CXCL13: variants seen among roughly 807,000 people sequenced by gnomAD.
CXCL13 encodes C-X-C motif chemokine ligand 13, also known as C-X-C motif chemokine 13.
CXCL13 carries 7 observed loss-of-function variants against 12.2 expected under a neutral mutation model. The ratio of observed to expected loss-of-function variants is 0.57; its 90% CI spans 0.33 to 1.07. The LOEUF is 1.07. Ranked by LOEUF, CXCL13 falls within the 50% of genes least tolerant of loss-of-function variation. The pLI, the probability that CXCL13 is intolerant of heterozygous loss-of-function variation, is 0.04. For synonymous variants in CXCL13, 47 were observed against 42.4 expected (o/e 1.11, Z -0.42); for missense variants, 113 against 127.4 (o/e 0.89, Z 0.55).
chr4:77,518,658 G>C (rs1269287065), intron 1 of CXCL13, among the ~76,000 whole-genome samples: 4 of 152,100 alleles, frequency 2.6e-5, no homozygotes, highest in African/African-American at 9.7e-5. Context: ...GCTCCTTTAA[G>C]CACTTCTCTA....
At chr4:77,602,160 A>G (rs1726891677), upstream of CXCL13, among the ~76,000 whole-genome samples, 1 of 152,204 alleles carries the variant, frequency 6.6e-6, no homozygotes, top group Admixed American at 6.5e-5. Context: ...CCTGTTGACT[A>G]CCTAGATTGT....
chr4:77,537,965 T>C (rs1725100906), intron 1 of CXCL13, among the ~76,000 whole-genome samples: 1 of 152,146 alleles, frequency 6.6e-6, no homozygotes, highest in Non-Finnish European at 1.5e-5. Flanking sequence ...GTTTCTAAGC[T>C]TATAGAATCT....
intron 2 of CXCL13, among the ~76,000 whole-genome samples, chr4:77,609,200 C>T (rs965582282): frequency 6.6e-6 from 1 of 152,058 alleles, no homozygotes; most frequent in South Asian, 2.1e-4. Context: ...CTAAGATTTA[C>T]GTGCAAAAGT....
At chr4:77,559,902 A>T in intron 1 of CXCL13, among the ~76,000 whole-genome samples, 1 of 140,180 alleles carries the variant, frequency 7.1e-6, no homozygotes, top group African/African-American at 2.8e-5. Context: ...AGCCTGGGTG[A>T]GAGAGCGAGA....
At chr4:77,520,839 A>G (rs1344193006) in intron 1 of CXCL13, among the ~76,000 whole-genome samples, 1 of 152,266 alleles carries the variant, frequency 6.6e-6, no homozygotes, top group East Asian at 1.9e-4. Context: ...TCAGTATGAT[A>G]TTGGTTGTGA....
intron 1 of CXCL13, among the ~76,000 whole-genome samples, chr4:77,553,123 C>A (rs1725573646): frequency 6.6e-6 from 1 of 152,182 alleles, no homozygotes; most frequent in Admixed American, 6.5e-5. Flanking sequence ...ATGACACATA[C>A]ACACCTATTC....
chr4:77,543,732 T>C (rs1725262732), intron 1 of CXCL13, among the ~76,000 whole-genome samples: 1 of 152,110 alleles, frequency 6.6e-6, no homozygotes, highest in Admixed American at 6.6e-5. Flanking sequence ...GTTGTTATGA[T>C]TTCCATTTTT....
intron 1 of CXCL13, among the ~76,000 whole-genome samples, chr4:77,528,892 T>C (rs1409532790): frequency 6.6e-6 from 1 of 152,238 alleles, no homozygotes; most frequent in African/African-American, 2.4e-5. Context: ...GGTTTTCTTC[T>C]AGGGTTTAAA....
chr4:77,598,818 AT>A (rs200508736), intron 1 of CXCL13, among the ~76,000 whole-genome samples: 12,554 of 148,772 alleles, frequency 0.084, 999 homozygotes, highest in African/African-American at 0.21. Flanking sequence ...CAACACAATG[AT>A]TTTTTTTTTT....
chr4:77,523,626 G>C (rs1724677516), intron 1 of CXCL13, among the ~76,000 whole-genome samples: 3 of 152,220 alleles, frequency 2.0e-5, no homozygotes, highest in Admixed American at 6.5e-5. Flanking sequence ...TTTTTTCACG[G>C]TTTTCAGCTT....
At chr4:77,596,974 C>T (rs80084351) in intron 1 of CXCL13, among the ~76,000 whole-genome samples, 1 of 151,998 alleles carries the variant, frequency 6.6e-6, no homozygotes, top group Non-Finnish European at 1.5e-5. Flanking sequence ...GAGTATTATT[C>T]AGCCTTTAAA....
chr4:77,585,208 GCTT>G (rs758886309), intron 1 of CXCL13, among the ~76,000 whole-genome samples: 7 of 152,134 alleles, frequency 4.6e-5, no homozygotes, highest in Non-Finnish European at 1.0e-4. Context: ...TGGGAGAAAG[GCTT>G]CTTTATTCAA....
In CXCL13 at chr4:77,512,874, A is replaced by C. The variant is rs192108924; in HGVS notation, c.-43+1086A>C. Among the ~76,000 whole-genome samples the C allele has an allele frequency of 2.6e-5, 4 of 152,144 alleles. No homozygotes were observed. In the East Asian group the frequency reaches 7.7e-4, roughly 29 times the overall value. ...TACATGTGCCGTGTTGGTGTGCTGC[A>C]CCCATTAACTCATCATTTACGTTAG... On this transcript the variant is annotated intron_variant, in intron 1 of 4. Coordinates refer to the CXCL13 transcript ENST00000286758.
chr4:77,559,250 G>A (rs916779586), intron 1 of CXCL13, among the ~76,000 whole-genome samples: 3 of 152,188 alleles, frequency 2.0e-5, no homozygotes. Flanking sequence ...GGGGAAGAAA[G>A]GGGACTGAGG....
At chr4:77,571,790 A>AATAAATCTTGCT (rs1310820110) in intron 1 of CXCL13, among the ~76,000 whole-genome samples, 2 of 151,768 alleles carry the variant, frequency 1.3e-5, no homozygotes, top group East Asian at 3.9e-4. Flanking sequence ...TGCTCTTTGC[A>AATAAATCTTGCT]ATAAATCTTG....
chr4:77,523,376 A>G (rs1203826648), intron 1 of CXCL13, among the ~76,000 whole-genome samples: 1 of 152,170 alleles, frequency 6.6e-6, no homozygotes, highest in African/African-American at 2.4e-5. Flanking sequence ...CTTTTCATAG[A>G]GTCGCATATT....
chr4:77,515,157 T>A (rs1023330049), intron 1 of CXCL13, among the ~76,000 whole-genome samples: 1 of 152,232 alleles, frequency 6.6e-6, no homozygotes, highest in Admixed American at 6.5e-5. Context: ...TTCTGTTCCA[T>A]TGATCTATAT....
At chr4:77,608,381 G>T (rs941940780) in intron 2 of CXCL13, among the ~76,000 whole-genome samples, 11 of 151,684 alleles carry the variant, frequency 7.3e-5, no homozygotes, top group Non-Finnish European at 1.5e-5. Flanking sequence ...CGGAGGTTGC[G>T]GTGAGCCGAG....
chr4:77,555,503 T>C (rs1339905291), intron 1 of CXCL13, among the ~76,000 whole-genome samples: 3 of 152,046 alleles, frequency 2.0e-5, no homozygotes, highest in African/African-American at 7.2e-5. Context: ...TACCTCACAG[T>C]AAATGCAAGA....
Sources: allele counts gnomAD v4.1 joint callset (sites outside exome capture counted in the v4.1 genomes callset), GRCh38; gene constraint gnomAD v4.1.1; transcripts MANE v1.5; gene names NCBI Gene and HGNC (gene_info 2026-07-23, HGNC 2026-07-21).